Variants in TTC28 observed in about 807,000 individuals in gnomAD.
TTC28 encodes tetratricopeptide repeat protein 28.
A neutral mutation model predicts 198.0 loss-of-function variants in TTC28; 61 were observed. The observed-to-expected ratio is 0.31, with a 90% CI of 0.25 to 0.38. TTC28 has a LOEUF of 0.38. Among genes scored for constraint, TTC28 ranks in the 10% least tolerant of loss-of-function variants. TTC28 has a pLI of 1.00. For missense variants in TTC28, 2,678 were observed against 3,164.0 expected, an observed-to-expected ratio of 0.85 and a Z score of 3.69; for synonymous variants, 1,171 against 1,297.8, an observed-to-expected ratio of 0.90 and a Z score of 2.10.
At chr22:28,155,051 C>G (rs1000123275) in intron 6 of TTC28, among the ~76,000 whole-genome samples, 2 of 152,152 alleles carry the variant, frequency 1.3e-5, no homozygotes, top group Non-Finnish European at 2.9e-5. Flanking sequence ...CCTGGATTCC[C>G]CCGACCCTCT....
intron 2 of TTC28, among the ~76,000 whole-genome samples, chr22:28,385,139 C>CAAA (rs695792): frequency 1.0e-5 from 1 of 99,542 alleles, no homozygotes; most frequent in East Asian, 2.8e-4. Flanking sequence ...GAAACTCCGT[C>CAAA]AAAAAAAAAA....
Position 28,029,348 on chromosome 22 carries a change from G to A in TTC28, c.4073+878C>T, listed in dbSNP as rs183654602. 2.0e-5 allele frequency among the ~76,000 whole-genome samples: 3 copies of A among 152,276 alleles called. No individual in the cohort carries two copies. The East Asian group carries it at 5.8e-4, about 29-fold the overall frequency. ...CAGGGCCTGGAGTAGGAACAGACAG[G>A]GCGCACAATGCCCTGCACAGCAGGG... On this transcript the variant is annotated intron_variant, in intron 13 of 22. Transcript: ENST00000397906.
chr22:28,533,875 G>A (rs1601527714), intron 2 of TTC28, among the ~76,000 whole-genome samples: 1 of 152,206 alleles, frequency 6.6e-6, no homozygotes, highest in East Asian at 1.9e-4. Flanking sequence ...AGCTGAAACT[G>A]GATCCCCTCC....
chr22:28,437,730 CTA>C (rs2047542501), intron 2 of TTC28, among the ~76,000 whole-genome samples: 1 of 152,076 alleles, frequency 6.6e-6, no homozygotes, highest in Non-Finnish European at 1.5e-5. Context: ...ACAGCTGAGA[CTA>C]TAGGTGTGCA....
At chr22:28,525,487 G>A (rs1168657878) in intron 2 of TTC28, among the ~76,000 whole-genome samples, 1 of 152,066 alleles carries the variant, frequency 6.6e-6, no homozygotes, top group Non-Finnish European at 1.5e-5. Context: ...TTATTCCCTA[G>A]TACAAATCTT....
intron 2 of TTC28, among the ~76,000 whole-genome samples, chr22:28,593,703 T>C (rs770487056): frequency 7.9e-5 from 12 of 152,240 alleles, no homozygotes; most frequent in Non-Finnish European, 1.3e-4. Context: ...TTGTACCTTC[T>C]TAAATTTTAT....
intron 5 of TTC28, among the ~76,000 whole-genome samples, chr22:28,205,305 T>G (rs576276479): frequency 1.3e-5 from 2 of 152,154 alleles, no homozygotes; most frequent in Non-Finnish European, 2.9e-5. Context: ...CATTTTTTCC[T>G]TATAAATATC....
intron 2 of TTC28, among the ~76,000 whole-genome samples, chr22:28,454,251 A>G (rs565514998): frequency 6.6e-6 from 1 of 152,338 alleles, no homozygotes; most frequent in East Asian, 1.9e-4. Context: ...CTGTGCATCC[A>G]ATAGCTTATA....
chr22:28,131,256 G>A (rs769354300), intron 6 of TTC28, among the ~76,000 whole-genome samples: 30 of 152,128 alleles, frequency 2.0e-4, no homozygotes, highest in Admixed American at 1.2e-3. Context: ...GGTACATGCT[G>A]TTGGCTGAAG....
rs185304792 is a variant in TTC28 at position 28,159,090 on chromosome 22, A to T, written c.1441+4002T>A. ...GGAAAAAAGTCTAATAATCTGATTTAAAAATGGGCAAAAGATTTGAATAGA... is the reference window on the plus strand; with the variant it reads ...GGAAAAAAGTCTAATAATCTGATTTTAAAATGGGCAAAAGATTTGAATAGA... On this transcript the variant is annotated intron_variant, in intron 6 of 22. Coordinates refer to ENST00000397906, the MANE Select transcript of TTC28 (RefSeq NM_001145418.2). Among the ~76,000 whole-genome samples the T allele has an allele frequency of 2.0e-3, 308 of 152,354 alleles. 3 individuals carry two copies. The highest frequency in any genetic ancestry group is 7.0e-3 in the African/African-American group (293 of 41,588).
At chr22:28,541,395 A>G (rs2049408473) in intron 2 of TTC28, among the ~76,000 whole-genome samples, 1 of 152,192 alleles carries the variant, frequency 6.6e-6, no homozygotes, top group Non-Finnish European at 1.5e-5. Flanking sequence ...AGGAAGACTA[A>G]AGCAGTTCAA....
At chr22:28,223,580 TCCTGAATGATTATAG>T (rs764199547) in intron 5 of TTC28, among the ~76,000 whole-genome samples, 11 of 152,150 alleles carry the variant, frequency 7.2e-5, no homozygotes, top group Non-Finnish European at 1.2e-4. Flanking sequence ...CAGTGGAACA[TCCTGAATGATTATAG>T]CCTGAACTTC....
rs398040471 is a variant in TTC28, at chr22:28,567,479, C to CATATATATATATATATATATATATAT, written c.381+62047_381+62072dup. On this transcript the variant is annotated intron_variant, in intron 2 of 22. Coordinates refer to ENST00000397906, the MANE Select transcript of TTC28 (RefSeq NM_001145418.2). ...CACACCACACGCATATACATACATA[C>CATATATATATATATATATATATATAT]ATATATATATATATATATATATATA... Among the ~76,000 whole-genome samples, 89 of 51,126 alleles carry CATATATATATATATATATATATATAT rather than the reference C, an allele frequency of 1.7e-3. 6 individuals are homozygous for CATATATATATATATATATATATATAT. The highest frequency in any genetic ancestry group is 2.9e-3 in the East Asian group (3 of 1,034). The allele number at this position is 51,126 out of a possible 152,430, so 33.5% of individuals were successfully genotyped here.
intron 2 of TTC28, among the ~76,000 whole-genome samples, chr22:28,574,457 G>C (rs1326475736): frequency 1.3e-5 from 2 of 151,912 alleles, no homozygotes; most frequent in East Asian, 3.9e-4. Context: ...CCAAATCTTG[G>C]CTACTGTAAA....
chr22:28,557,229 CA>C (rs978782122), intron 2 of TTC28, among the ~76,000 whole-genome samples: 2 of 152,276 alleles, frequency 1.3e-5, no homozygotes, highest in African/African-American at 4.8e-5. Flanking sequence ...AGAAAATTTT[CA>C]GCCATTATCT....
intron 2 of TTC28, among the ~76,000 whole-genome samples, chr22:28,312,452 T>C (rs1198528431): frequency 6.6e-6 from 1 of 152,120 alleles, no homozygotes; most frequent in Non-Finnish European, 1.5e-5. Flanking sequence ...ATTGACCACA[T>C]AATTGGAAGT....
At chr22:28,011,195 A>G (rs1367362150) in intron 14 of TTC28, among the ~76,000 whole-genome samples, 1 of 152,242 alleles carries the variant, frequency 6.6e-6, no homozygotes, top group Non-Finnish European at 1.5e-5. Context: ...TATAATCTAG[A>G]TTACCTAACA....
chr22:28,602,592 T>C (rs1023347299), intron 2 of TTC28, among the ~76,000 whole-genome samples: 1 of 152,170 alleles, frequency 6.6e-6, no homozygotes, highest in African/African-American at 2.4e-5. Flanking sequence ...CATGATAAAA[T>C]GTTAACAACT....
At chr22:28,051,275 T>A (rs1940075852) in intron 12 of TTC28, among the ~76,000 whole-genome samples, 1 of 152,228 alleles carries the variant, frequency 6.6e-6, no homozygotes, top group South Asian at 2.1e-4. Context: ...CAATCCCCCA[T>A]CTCTGATGTT....
Sources: allele counts gnomAD v4.1 joint callset (sites outside exome capture counted in the v4.1 genomes callset), GRCh38; gene constraint gnomAD v4.1.1; transcripts MANE v1.5; gene names NCBI Gene and HGNC (gene_info 2026-07-23, HGNC 2026-07-21).